The following TARS3 variants were observed in gnomAD, a reference collection of about 807,000 sequenced individuals.
TARS3 encodes threonine--tRNA ligase 2, cytoplasmic.
In TARS3, 94 loss-of-function variants were observed where a neutral mutation model predicts 103.5. The ratio of observed to expected loss-of-function variants is 0.91; its 90% CI spans 0.77 to 1.08. The LOEUF (loss-of-function observed/expected upper bound fraction) is 1.08. Ranked by LOEUF, TARS3 falls within the 50% of genes least tolerant of loss-of-function variation. The pLI, the probability that TARS3 is intolerant of heterozygous loss-of-function variation, is 0.00. For synonymous variants in TARS3, 416 were observed against 355.4 expected (o/e 1.17, Z -1.92); for missense variants, 952 against 995.2 (o/e 0.96, Z 0.58).
At position 101,696,643 on chromosome 15, in the gene TARS3, A is replaced by T. The variant is rs150096208; in HGVS notation, c.1320+4443T>A. ...AATAAAATCCTAAGCTCCCCAACTGACTGAACAGACACCCTCTTGGCCAAA... is the reference window on the plus strand; with the variant it reads ...AATAAAATCCTAAGCTCCCCAACTGTCTGAACAGACACCCTCTTGGCCAAA... On this transcript the variant is annotated intron_variant, in intron 10 of 18. Transcript: ENST00000335968. Among the ~76,000 whole-genome samples the T allele has an allele frequency of 1.5e-3, 230 of 152,334 alleles. 1 individual carries two copies. Among genetic ancestry groups the T allele is most frequent in the Non-Finnish European group, 4.1e-4 (28 of 68,030 alleles).
At chr15:101,698,224 C>T (rs548411344) in intron 10 of TARS3, among the ~76,000 whole-genome samples, 11 of 151,800 alleles carry the variant, frequency 7.2e-5, no homozygotes, top group East Asian at 1.9e-4. Flanking sequence ...CCCAGCTGCT[C>T]GGGAGGCTGA....
Position 101,711,924 on chromosome 15 carries a change from C to T in TARS3, c.768G>A (p.Pro256=), listed in dbSNP as rs370376502. The change falls in exon 5 of 19, where the codon CCG becomes CCA. Residue 256 remains proline, a synonymous_variant. Coordinates refer to ENST00000335968, the MANE Select transcript of TARS3 (RefSeq NM_152334.3). The part of the protein sequence containing the change: ...LYYGGHLCYG[P]PIENGFYYDM... ...CATAATAAAATCCATTTTCAATGGG[C>T]GGACCGTAGCACAGGTGGCCTCCAT... The T allele has an allele frequency of 1.5e-5, 25 of 1,613,774 alleles. No homozygotes were observed. Among genetic ancestry groups the T allele is most frequent in the Non-Finnish European group, 1.9e-5 (23 of 1,179,822 alleles).
intron 13 of TARS3, 62 bp from the exon 14 acceptor site, chr15:101,671,810 T>A: frequency 2.2e-6 from 3 of 1,339,348 alleles, no homozygotes; most frequent in South Asian, 1.3e-5. Flanking sequence ...TACATACAGC[T>A]CACAAAAGTT....
intron 10 of TARS3, among the ~76,000 whole-genome samples, chr15:101,690,415 C>T (rs546577799): frequency 6.6e-6 from 1 of 152,302 alleles, no homozygotes; most frequent in African/African-American, 2.4e-5. Flanking sequence ...AACATTTTCT[C>T]TCATTCCACC....
chr15:101,699,023 C>T (rs1380696765), intron 10 of TARS3, among the ~76,000 whole-genome samples: 1 of 152,164 alleles, frequency 6.6e-6, no homozygotes, highest in Non-Finnish European at 1.5e-5. Flanking sequence ...TGATCGAATT[C>T]AATGATCAGT....
chr15:101,654,530 A>G lies in TARS3; in HGVS notation c.*52T>C. ...AGTACTAACATGTTAAGAAAAATAC[A>G]TTTTTAAGGGTCAAAACAAAGTTAC... On this transcript the variant is annotated 3_prime_UTR_variant, in exon 19 of 19. Transcript: ENST00000335968. 6.3e-7 allele frequency: 1 copy of G among 1,586,982 alleles called. No individual in the cohort carries two copies. Among genetic ancestry groups the G allele is most frequent in the Admixed American group, 1.9e-5 (1 of 52,116 alleles).
intron 10 of TARS3, among the ~76,000 whole-genome samples, chr15:101,691,276 A>T (rs1596308170): frequency 6.6e-5 from 4 of 60,924 alleles, no homozygotes; most frequent in Non-Finnish European, 6.8e-5. Context: ...CTCAGTATTT[A>T]TATATATATA....
chr15:101,665,005 G>A (rs1460546544), intron 15 of TARS3, among the ~76,000 whole-genome samples: 3 of 152,204 alleles, frequency 2.0e-5, no homozygotes, highest in African/African-American at 7.2e-5. Context: ...AACAGAGATG[G>A]TAAAGAGTTG....
At chr15:101,699,723 T>A (rs774804081) in intron 10 of TARS3, among the ~76,000 whole-genome samples, 5 of 152,104 alleles carry the variant, frequency 3.3e-5, no homozygotes, top group African/African-American at 4.8e-5. Context: ...GGTGATAGAA[T>A]ACAGACATGT....
chr15:101,675,412 G>C (rs1897980632), intron 13 of TARS3, among the ~76,000 whole-genome samples, 188 bp downstream of exon 13: 1 of 152,198 alleles, frequency 6.6e-6, no homozygotes, highest in South Asian at 2.1e-4. Context: ...TGAAGCAAAT[G>C]TAAGGTATTA....
intron 6 of TARS3, among the ~76,000 whole-genome samples, chr15:101,708,073 G>C (rs1223715325): frequency 6.6e-6 from 1 of 151,860 alleles, no homozygotes; most frequent in Non-Finnish European, 1.5e-5. Flanking sequence ...GCAAAACTTT[G>C]TCTCTACTAA....
chr15:101,659,044 G>A (rs950655670), intron 16 of TARS3, among the ~76,000 whole-genome samples: 1 of 152,156 alleles, frequency 6.6e-6, no homozygotes, highest in Non-Finnish European at 1.5e-5. Flanking sequence ...CACCCACCTC[G>A]GCCTCCCAAA....
intron 10 of TARS3, among the ~76,000 whole-genome samples, chr15:101,695,517 T>C (rs1434573782): frequency 2.0e-5 from 3 of 152,228 alleles, no homozygotes; most frequent in Non-Finnish European, 4.4e-5. Flanking sequence ...GGGTTGTTTC[T>C]GGTTCTGTGC....
At chr15:101,692,268 G>A (rs1419911778) in intron 10 of TARS3, among the ~76,000 whole-genome samples, 5 of 151,764 alleles carry the variant, frequency 3.3e-5, no homozygotes, top group African/African-American at 9.7e-5. Flanking sequence ...TCTCCTCCAC[G>A]GCTCCAAGCT....
At chr15:101,710,766 A>AC (rs1178019064) in intron 5 of TARS3, among the ~76,000 whole-genome samples, 1 of 152,196 alleles carries the variant, frequency 6.6e-6, no homozygotes, top group Admixed American at 6.5e-5. Flanking sequence ...AATGCACCAT[A>AC]GTCATCCAGG....
chr15:101,714,745 A>C, intron 4 of TARS3, 95 bp downstream of exon 4: 1 of 1,191,088 alleles, frequency 8.4e-7, no homozygotes, highest in Non-Finnish European at 1.1e-6. Flanking sequence ...CCCCCAAAAA[A>C]CTCAACATTC....
intron 12 of TARS3, among the ~76,000 whole-genome samples, chr15:101,679,463 C>A (rs776581889): frequency 1.6e-4 from 24 of 151,622 alleles, no homozygotes; most frequent in Non-Finnish European, 3.5e-4. Flanking sequence ...TTCTTTATAT[C>A]TTCTATTTCT....
Position 101,661,905 on chromosome 15 carries a change from G to C in TARS3, c.1968-89C>G, listed in dbSNP as rs1034005709. On this transcript the variant is annotated intron_variant, in intron 15 of 18. Coordinates refer to ENST00000335968, the MANE Select transcript of TARS3 (RefSeq NM_152334.3). The stretch of plus-strand genomic sequence containing the variant: ...ATATTTAATTTTGAGAATAGATTTA[G>C]ATTAGTGATATCAGATCTCTCCATT... 3 of 753,044 alleles carry C rather than the reference G, an allele frequency of 4.0e-6. No homozygotes were observed. In the Admixed American group the frequency reaches 9.7e-5, roughly 24 times the overall value. 46.6% of individuals were successfully genotyped at this position (753,044 alleles called of 1,614,324 possible). A position where few individuals can be genotyped will look rare whatever the true frequency, so the allele number is the denominator to read the frequency against.
intron 16 of TARS3, among the ~76,000 whole-genome samples, chr15:101,658,252 T>C (rs1489412588): frequency 1.4e-5 from 2 of 146,000 alleles, no homozygotes; most frequent in Non-Finnish European, 3.0e-5. Context: ...AAATGTCCTT[T>C]AGCGGGTGAA....
Sources: gnomAD v4.1 joint callset for allele counts (sites outside exome capture counted in the v4.1 genomes callset) on GRCh38, gnomAD v4.1.1 for gene constraint, MANE v1.5 for transcripts, NCBI Gene and HGNC (gene_info 2026-07-23, HGNC 2026-07-21) for gene names.